The following MRPS6 variants were observed in gnomAD, a reference collection of about 807,000 sequenced individuals.
MRPS6 encodes mitochondrial ribosomal protein S6.
In MRPS6, 6 loss-of-function variants were observed where a neutral mutation model predicts 13.1. That is an observed-to-expected ratio of 0.46 (90% CI 0.25 to 0.91). The LOEUF (loss-of-function observed/expected upper bound fraction) is 0.91, where lower values mean the gene tolerates loss of function less well. MRPS6 is among the 40% of genes least tolerant of loss of function. The pLI is 0.18. For synonymous variants in MRPS6, 61 were observed against 56.5 expected, an observed-to-expected ratio of 1.08 and a Z score of -0.36; for missense variants, 164 against 155.6, an observed-to-expected ratio of 1.05 and a Z score of -0.29.
intron 1 of MRPS6, chr21:34,100,053 A>G (rs1979164183): frequency 1.0e-6 from 1 of 991,680 alleles, no homozygotes; most frequent in Non-Finnish European, 1.2e-6. Flanking sequence ...AAATGATGAC[A>G]TTGGTCTTTA....
chr21:34,079,965 G>A (rs1036650190), intron 1 of MRPS6, among the ~76,000 whole-genome samples: 5 of 152,020 alleles, frequency 3.3e-5, no homozygotes, highest in African/African-American at 1.2e-4. Context: ...GTCATCTGGG[G>A]CTGAACAAAT....
intron 1 of MRPS6, among the ~76,000 whole-genome samples, chr21:34,111,161 A>G (rs936659002): frequency 5.3e-5 from 8 of 152,184 alleles, no homozygotes; most frequent in African/African-American, 1.9e-4. Context: ...ATATCTACAG[A>G]TGACTGCAGT....
chr21:34,101,735 C>G (rs1028180465), intron 1 of MRPS6: 15 of 991,628 alleles, frequency 1.5e-5, no homozygotes, highest in Non-Finnish European at 1.8e-5. Context: ...AATAATGACT[C>G]ATTAAATATA....
chr21:34,135,713 G>A, intron 2 of MRPS6: 1 of 403,670 alleles, frequency 2.5e-6, no homozygotes, highest in Non-Finnish European at 5.0e-6. Flanking sequence ...GTGTTCACCA[G>A]GACCTGGAGG....
At chr21:34,093,099 T>C (rs117768917) in intron 1 of MRPS6, among the ~76,000 whole-genome samples, 1,725 of 152,336 alleles carry the variant, frequency 0.011, 35 homozygotes, top group South Asian at 0.081. Flanking sequence ...TATTAAAAAT[T>C]TAGATGATTC....
chr21:34,093,535 A>G (rs1474824317), intron 1 of MRPS6, among the ~76,000 whole-genome samples: 1 of 152,158 alleles, frequency 6.6e-6, no homozygotes, highest in Non-Finnish European at 1.5e-5. Flanking sequence ...TTTTGAGAAG[A>G]GGTAGCTTTA....
intron 2 of MRPS6, among the ~76,000 whole-genome samples, chr21:34,134,929 G>A (rs542535459): frequency 6.6e-6 from 1 of 152,336 alleles, no homozygotes; most frequent in African/African-American, 2.4e-5. Flanking sequence ...GTTAGGTGGT[G>A]TATTAAATGC....
At chr21:34,083,714 G>A (rs575423866) in intron 1 of MRPS6, among the ~76,000 whole-genome samples, 6 of 152,270 alleles carry the variant, frequency 3.9e-5, no homozygotes, top group Non-Finnish European at 8.8e-5. Context: ...CCTAAGTCTC[G>A]CAGACTTTGG....
intron 2 of MRPS6, among the ~76,000 whole-genome samples, chr21:34,125,952 AATTTT>A (rs1980289575): frequency 6.6e-6 from 1 of 152,210 alleles, no homozygotes; most frequent in Non-Finnish European, 1.5e-5. Context: ...CACAGTTTGG[AATTTT>A]GTCTCCTACT....
intron 1 of MRPS6, among the ~76,000 whole-genome samples, chr21:34,089,017 C>A (rs1448712165): frequency 6.6e-6 from 1 of 152,026 alleles, no homozygotes; most frequent in Non-Finnish European, 1.5e-5. Context: ...GGCATTGCTG[C>A]TCTGTTATTT....
chr21:34,117,025 T>G (rs1217540359), intron 1 of MRPS6, among the ~76,000 whole-genome samples: 1 of 152,156 alleles, frequency 6.6e-6, no homozygotes, highest in Non-Finnish European at 1.5e-5. Flanking sequence ...CCCACCACTC[T>G]GACTGATTCC....
chr21:34,083,753 T>C (rs1250575406), intron 1 of MRPS6, among the ~76,000 whole-genome samples: 1 of 152,228 alleles, frequency 6.6e-6, no homozygotes, highest in East Asian at 1.9e-4. Context: ...GGGAATGCCA[T>C]TCTCATGTGT....
intron 1 of MRPS6, among the ~76,000 whole-genome samples, chr21:34,079,872 T>A (rs940450922): frequency 4.1e-4 from 62 of 152,122 alleles, no homozygotes; most frequent in African/African-American, 1.5e-3. Context: ...GCAAACTCAG[T>A]GTGGTTAAGA....
At chr21:34,101,158 C>G in intron 1 of MRPS6, 1 of 999,982 alleles carries the variant, frequency 1.0e-6, no homozygotes, top group Non-Finnish European at 1.2e-6. Flanking sequence ...AGATAAGTAC[C>G]TGGGTGACAC....
intron 1 of MRPS6, among the ~76,000 whole-genome samples, chr21:34,108,551 C>A (rs972542477): frequency 6.6e-6 from 1 of 152,192 alleles, no homozygotes; most frequent in Admixed American, 6.5e-5. Flanking sequence ...GCCTCCAGTT[C>A]TAAACCAACA....
chr21:34,098,657 G>C (rs1278752165), intron 1 of MRPS6: 1 of 1,000,128 alleles, frequency 1.0e-6, no homozygotes, highest in African/African-American at 1.7e-5. Flanking sequence ...TGCCAAACAA[G>C]AACTTTTGGG....
In MRPS6 at chr21:34,127,308, G is replaced by A. The variant is rs143829756; in HGVS notation, c.185+1828G>A. On this transcript the variant is annotated intron_variant, in intron 2 of 2. Coordinates refer to ENST00000399312, the MANE Select transcript of MRPS6 (RefSeq NM_032476.4). ...ATAAATCAGTGTCTGGTATTTATTT[G>A]TTAAAGGTAATGTTTTTTAAAGTGT... Among the ~76,000 whole-genome samples, 19 of 152,276 alleles carry A rather than the reference G, an allele frequency of 1.2e-4. No homozygotes were observed. The East Asian group carries it at 3.7e-3, about 29-fold the overall frequency.
At chr21:34,109,076 G>T (rs1191375862) in intron 1 of MRPS6, among the ~76,000 whole-genome samples, 1 of 151,868 alleles carries the variant, frequency 6.6e-6, no homozygotes, top group African/African-American at 2.4e-5. Flanking sequence ...TGTTGAAAAA[G>T]AATAAAATTT....
chr21:34,101,749 A>T (rs534570560), intron 1 of MRPS6: 338 of 993,296 alleles, frequency 3.4e-4, no homozygotes, highest in Non-Finnish European at 3.9e-4. Context: ...AAATATAATT[A>T]TGTTTTAAGT....
Sources: gnomAD v4.1 joint callset for allele counts (sites outside exome capture counted in the v4.1 genomes callset) on GRCh38, gnomAD v4.1.1 for gene constraint, MANE v1.5 for transcripts, NCBI Gene and HGNC (gene_info 2026-07-23, HGNC 2026-07-21) for gene names.